The following ZYG11B variants were observed in gnomAD, a reference collection of about 807,000 sequenced individuals.
ZYG11B encodes zyg-11 family member B, cell cycle regulator.
Under a neutral mutation model 82.4 loss-of-function variants are expected in ZYG11B, and 36 were observed. The ratio of observed to expected loss-of-function variants is 0.44; its 90% CI spans 0.33 to 0.58. The LOEUF (loss-of-function observed/expected upper bound fraction) is 0.58. ZYG11B is among the 20% of genes least tolerant of loss of function. ZYG11B has a pLI of 0.02. For synonymous variants in ZYG11B, 303 were observed against 312.8 expected (o/e 0.97, Z 0.33); for missense variants, 552 against 895.6 (o/e 0.62, Z 4.90).
At chr1:52,759,556 T>G (rs891964913) in intron 2 of ZYG11B, among the ~76,000 whole-genome samples, 1 of 152,160 alleles carries the variant, frequency 6.6e-6, no homozygotes, top group Non-Finnish European at 1.5e-5. Flanking sequence ...AAACTGAGGG[T>G]CAGAAAAATA....
At chr1:52,730,859 A>G (rs1644325256) in intron 1 of ZYG11B, among the ~76,000 whole-genome samples, 2 of 149,972 alleles carry the variant, frequency 1.3e-5, no homozygotes, top group African/African-American at 2.5e-5. Flanking sequence ...AAAAAAAAAT[A>G]GAAAGGAAAG....
intron 6 of ZYG11B, among the ~76,000 whole-genome samples, chr1:52,792,498 T>TA (rs1254728613): frequency 6.6e-6 from 1 of 152,184 alleles, no homozygotes; most frequent in Admixed American, 6.5e-5. Context: ...TTATTACTCT[T>TA]ATGATCTTCA....
At chr1:52,746,841 A>C (rs1644481923) in intron 1 of ZYG11B, among the ~76,000 whole-genome samples, 1 of 150,216 alleles carries the variant, frequency 6.7e-6, no homozygotes, top group Non-Finnish European at 1.5e-5. Flanking sequence ...ACCATAATTA[A>C]CAGATCTGGG....
intron 2 of ZYG11B, among the ~76,000 whole-genome samples, chr1:52,760,106 T>G (rs748425726): frequency 3.3e-5 from 5 of 152,200 alleles, no homozygotes; most frequent in Non-Finnish European, 7.4e-5. Flanking sequence ...GTGCTGGGAT[T>G]ACAGGCGTGA....
chr1:52,795,334 G>A (rs549547807), intron 6 of ZYG11B, among the ~76,000 whole-genome samples: 25 of 152,232 alleles, frequency 1.6e-4, no homozygotes, highest in Non-Finnish European at 3.4e-4. Context: ...GGCCTTCCCA[G>A]TGGTGCTTCC....
chr1:52,785,095 T>C (rs1380126634), intron 5 of ZYG11B, 42 bp downstream of exon 5: 1 of 1,582,538 alleles, frequency 6.3e-7, no homozygotes, highest in Non-Finnish European at 8.6e-7. Flanking sequence ...CCTTGTAGTG[T>C]CTTCTACTCA....
chr1:52,791,340 T>G (rs936372555), intron 6 of ZYG11B, among the ~76,000 whole-genome samples: 2 of 152,124 alleles, frequency 1.3e-5, no homozygotes, highest in Admixed American at 1.3e-4. Context: ...TAATGAAAAG[T>G]ATGTTTCTCC....
At chr1:52,815,392 C>T (rs372139432) in intron 12 of ZYG11B, among the ~76,000 whole-genome samples, 6 of 152,136 alleles carry the variant, frequency 3.9e-5, no homozygotes, top group East Asian at 1.9e-4. Context: ...CCCACCACTT[C>T]GGAAGGCCAA....
intron 2 of ZYG11B, among the ~76,000 whole-genome samples, chr1:52,760,223 G>A (rs780509653): frequency 2.0e-4 from 31 of 152,170 alleles, no homozygotes; most frequent in Non-Finnish European, 3.5e-4. Context: ...CAGGCGATCC[G>A]CCTGAGGTCA....
At chr1:52,797,276 ATATT>A (rs1189524797) in intron 8 of ZYG11B, among the ~76,000 whole-genome samples, 7 of 83,858 alleles carry the variant, frequency 8.3e-5, no homozygotes, top group South Asian at 3.2e-4. Context: ...TATATATAAA[ATATT>A]TATATTATAT....
chr1:52,796,907 TA>T (rs1260257145), intron 8 of ZYG11B, 123 bp downstream of exon 8: 115 of 104,116 alleles, frequency 1.1e-3, no homozygotes, highest in Non-Finnish European at 3.6e-4. Flanking sequence ...TAATTATATA[TA>T]TATTATATAT....
chr1:52,817,232 A>G (rs1355052171), intron 13 of ZYG11B, among the ~76,000 whole-genome samples: 1 of 152,160 alleles, frequency 6.6e-6, no homozygotes, highest in Admixed American at 6.5e-5. Context: ...GTTGAGTAAA[A>G]GGTCTTAAGT....
At chr1:52,735,853 T>G (rs1015681157) in intron 1 of ZYG11B, among the ~76,000 whole-genome samples, 1 of 152,164 alleles carries the variant, frequency 6.6e-6, no homozygotes, top group Non-Finnish European at 1.5e-5. Context: ...CCTGTGAAGA[T>G]ACCTTTTTAA....
chr1:52,803,480 G>A (rs1303920763), intron 10 of ZYG11B, among the ~76,000 whole-genome samples: 1 of 148,718 alleles, frequency 6.7e-6, no homozygotes, highest in South Asian at 2.1e-4. Flanking sequence ...ATGTGTGTGT[G>A]TGTGTATATA....
At chr1:52,780,748 G>T (rs1265131484) in intron 4 of ZYG11B, among the ~76,000 whole-genome samples, 1 of 152,172 alleles carries the variant, frequency 6.6e-6, no homozygotes, top group Non-Finnish European at 1.5e-5. Flanking sequence ...AGGACTACAG[G>T]TGTGTACATC....
At chr1:52,758,982 A>G (rs1259142289) in intron 2 of ZYG11B, among the ~76,000 whole-genome samples, 1 of 152,152 alleles carries the variant, frequency 6.6e-6, no homozygotes, top group Non-Finnish European at 1.5e-5. Flanking sequence ...CCCAGGCTGC[A>G]GTGCAGTGGT....
chr1:52,822,440 A>G lies in ZYG11B; in HGVS notation c.*811A>G, dbSNP rs1645290976. On this transcript the variant is annotated 3_prime_UTR_variant, in exon 14 of 14. Coordinates refer to ENST00000294353, the MANE Select transcript of ZYG11B (RefSeq NM_024646.3). ...TCTGTGTTAAAGACTAACTGTCTAC[A>G]TCTCCATATGTTGTAGTGTTGTGAA... is the stretch of plus-strand genomic sequence containing the variant. The G allele has an allele frequency of 6.6e-6, 1 of 152,262 alleles. No homozygotes were observed. The highest frequency in any genetic ancestry group is 6.5e-5 in the Admixed American group (1 of 15,284). The allele number at this position is 152,262 out of a possible 1,614,324, so 9.4% of individuals were successfully genotyped here.
chr1:52,747,524 A>G (rs1319364073), intron 1 of ZYG11B, among the ~76,000 whole-genome samples: 1 of 152,054 alleles, frequency 6.6e-6, no homozygotes, highest in Non-Finnish European at 1.5e-5. Context: ...CCCACTTTCT[A>G]CAGTATGTGA....
At chr1:52,796,227 C>A in intron 6 of ZYG11B, 65 bp from the exon 7 acceptor site, 1 of 1,231,622 alleles carries the variant, frequency 8.1e-7, no homozygotes, top group Non-Finnish European at 1.2e-6. Context: ...CAGTTCCTAG[C>A]TGGAACTCTG....
Sources: gnomAD v4.1 joint callset for allele counts (sites outside exome capture counted in the v4.1 genomes callset) on GRCh38, gnomAD v4.1.1 for gene constraint, MANE v1.5 for transcripts, NCBI Gene and HGNC (gene_info 2026-07-23, HGNC 2026-07-21) for gene names.